Variants in RIMS1 observed in about 807,000 individuals in gnomAD.
The protein encoded by RIMS1 is regulating synaptic membrane exocytosis 1.
Under a neutral mutation model 214.1 loss-of-function variants are expected in RIMS1, and 83 were observed. That is an observed-to-expected ratio of 0.39 (90% confidence interval 0.32 to 0.47). The LOEUF is 0.47. Among genes scored for constraint, RIMS1 ranks in the 20% least tolerant of loss-of-function variants. The pLI is 0.99. For synonymous variants in RIMS1, 793 were observed against 786.8 expected, an observed-to-expected ratio of 1.01 and a Z score of -0.13; for missense variants, 2,050 against 2,161.8, an observed-to-expected ratio of 0.95 and a Z score of 1.03.
chr6:72,009,314 C>T lies in RIMS1; in HGVS notation c.245+40251C>T, dbSNP rs573062822. On this transcript the variant is annotated intron_variant, in intron 2 of 33. Transcript: ENST00000521978. Reference sequence around the variant, plus strand: ...ACAACATACCAGAATCTCTGGGACACATTTAAAGCAGTGTGTAGAGGGAAA... The same window carrying T: ...ACAACATACCAGAATCTCTGGGACATATTTAAAGCAGTGTGTAGAGGGAAA... Among the ~76,000 whole-genome samples the T allele has an allele frequency of 6.9e-3, 1,047 of 152,284 alleles. 10 individuals are homozygous for T. Among genetic ancestry groups the T allele is most frequent in the African/African-American group, 0.024 (988 of 41,558 alleles).
chr6:72,153,053 T>C lies in RIMS1; in HGVS notation c.472-26522T>C, dbSNP rs574037026. 2.6e-4 allele frequency among the ~76,000 whole-genome samples: 37 copies of C among 142,414 alleles called. 1 individual carries two copies. The highest frequency in any genetic ancestry group is 8.7e-4 in the African/African-American group (34 of 39,256). 93.4% of individuals were successfully genotyped at this position (142,414 alleles called of 152,430 possible). A position where few individuals can be genotyped will look rare whatever the true frequency, so the allele number is the denominator to read the frequency against. ...ATATATGTGTGTGTGTGTATATATA[T>C]GTATATATTCCCTATGTATATATAT... On this transcript the variant is annotated intron_variant, in intron 4 of 33. Coordinates refer to ENST00000521978, the MANE Select transcript of RIMS1 (RefSeq NM_014989.7).
intron 2 of RIMS1, among the ~76,000 whole-genome samples, chr6:71,978,425 A>AT (rs1005605479): frequency 5.3e-5 from 8 of 151,980 alleles, no homozygotes; most frequent in Middle Eastern, 3.4e-3. Flanking sequence ...TTTTATTGTG[A>AT]TTTTTTTTAC....
chr6:71,975,805 A>G (rs1796980053), intron 2 of RIMS1, among the ~76,000 whole-genome samples: 1 of 152,112 alleles, frequency 6.6e-6, no homozygotes, highest in Non-Finnish European at 1.5e-5. Flanking sequence ...AACATTTCCT[A>G]TAAATGGAAT....
Position 72,070,226 on chromosome 6 carries a change from A to G in RIMS1, c.246-26723A>G, listed in dbSNP as rs9442731. On this transcript the variant is annotated intron_variant, in intron 2 of 33. Coordinates refer to ENST00000521978, the MANE Select transcript of RIMS1 (RefSeq NM_014989.7). ...CTTGGATCATTTAATAAAAGAGGTCATTTGAAATGTGTCGTTTAAAAATAT... is the reference window on the plus strand; with the variant it reads ...CTTGGATCATTTAATAAAAGAGGTCGTTTGAAATGTGTCGTTTAAAAATAT... 9.7e-3 allele frequency among the ~76,000 whole-genome samples: 1,470 copies of G among 152,324 alleles called. 25 individuals are homozygous for G. Among genetic ancestry groups the G allele is most frequent in the African/African-American group, 0.034 (1,399 of 41,568 alleles).
At chr6:71,992,413 T>TCTTA (rs747141942) in intron 2 of RIMS1, among the ~76,000 whole-genome samples, 1 of 67,418 alleles carries the variant, frequency 1.5e-5, no homozygotes, top group East Asian at 1.6e-3. Flanking sequence ...TCTCTTTCTT[T>TCTTA]CTTTCTTTCT....
chr6:71,905,889 A>G (rs1222360167), intron 1 of RIMS1, among the ~76,000 whole-genome samples: 1 of 152,134 alleles, frequency 6.6e-6, no homozygotes, highest in African/African-American at 2.4e-5. Flanking sequence ...GCAAAAAGAA[A>G]TATCTGATAA....
intron 6 of RIMS1, among the ~76,000 whole-genome samples, chr6:72,228,516 A>C (rs2060963397): frequency 1.3e-5 from 2 of 151,804 alleles, no homozygotes. Flanking sequence ...CTTCTTTTTC[A>C]AGGCTTAGTA....
chr6:71,907,412 C>T (rs1167231401), intron 1 of RIMS1, among the ~76,000 whole-genome samples: 1 of 152,096 alleles, frequency 6.6e-6, no homozygotes, highest in Non-Finnish European at 1.5e-5. Context: ...CACCCTTAAT[C>T]AATGGCATTC....
At chr6:72,313,779 T>G in intron 28 of RIMS1, 107 bp downstream of exon 28, 5 of 1,123,394 alleles carry the variant, frequency 4.5e-6, no homozygotes, top group Non-Finnish European at 6.2e-6. Flanking sequence ...TCACAGTGGG[T>G]TAAGTATTTA....
intron 2 of RIMS1, among the ~76,000 whole-genome samples, chr6:72,054,038 A>G (rs530218431): frequency 3.9e-5 from 6 of 152,076 alleles, no homozygotes; most frequent in African/African-American, 1.4e-4. Context: ...TAAGCCCTGC[A>G]TGCATTAGCT....
intron 4 of RIMS1, among the ~76,000 whole-genome samples, chr6:72,113,914 G>T: frequency 6.6e-6 from 1 of 151,914 alleles, no homozygotes; most frequent in East Asian, 1.9e-4. Context: ...TTCACTCCTT[G>T]CCCTAAAATA....
chr6:72,073,398 G>A (rs1831037853), intron 2 of RIMS1, among the ~76,000 whole-genome samples: 1 of 152,096 alleles, frequency 6.6e-6, no homozygotes, highest in African/African-American at 2.4e-5. Flanking sequence ...CTCATTGCTA[G>A]CAGAATAAAG....
chr6:72,385,543 T>C (rs2098580634), intron 29 of RIMS1, among the ~76,000 whole-genome samples: 1 of 152,244 alleles, frequency 6.6e-6, no homozygotes, highest in Non-Finnish European at 1.5e-5. Flanking sequence ...AATGGAATGA[T>C]TGCAAGACTA....
At chr6:72,007,428 C>T (rs957726320) in intron 2 of RIMS1, among the ~76,000 whole-genome samples, 2 of 152,200 alleles carry the variant, frequency 1.3e-5, no homozygotes, top group African/African-American at 4.8e-5. Context: ...TCTCCTCCTC[C>T]AAAGGAATGC....
chr6:72,073,580 G>A (rs961159397), intron 2 of RIMS1, among the ~76,000 whole-genome samples: 7 of 152,282 alleles, frequency 4.6e-5, no homozygotes, highest in East Asian at 1.9e-4. Context: ...AACACTGAGC[G>A]TCTGATTGCT....
chr6:71,948,565 C>T (rs2151097031), intron 1 of RIMS1, among the ~76,000 whole-genome samples: 1 of 152,294 alleles, frequency 6.6e-6, no homozygotes. Flanking sequence ...AATTTCTCCT[C>T]TGTAAATTAG....
intron 26 of RIMS1, among the ~76,000 whole-genome samples, chr6:72,297,451 T>C (rs2094204445): frequency 6.6e-6 from 1 of 152,016 alleles, no homozygotes; most frequent in South Asian, 2.1e-4. Context: ...TTTCCATATA[T>C]ATTACTAGGC....
At chr6:72,046,443 C>T (rs998805339) in intron 2 of RIMS1, among the ~76,000 whole-genome samples, 1 of 152,048 alleles carries the variant, frequency 6.6e-6, no homozygotes, top group South Asian at 2.1e-4. Flanking sequence ...CAGGGGTCCA[C>T]ATCCAAACAC....
Position 72,258,922 on chromosome 6 carries a change from G to T in RIMS1, c.2928-64G>T, listed in dbSNP as rs533176822. ...TATTACTCTCAGTTCCTTCACTTTA[G>T]TCTGTCTGCCTGTTTTGGGAAGATG... is the stretch of plus-strand genomic sequence containing the variant. On this transcript the variant is annotated intron_variant, in intron 17 of 33. Coordinates refer to ENST00000521978, the MANE Select transcript of RIMS1 (RefSeq NM_014989.7). 218 of 1,503,092 alleles carry T rather than the reference G, an allele frequency of 1.5e-4. No homozygotes were observed. The African/African-American group carries it at 2.6e-3, about 18-fold the overall frequency. The allele number at this position is 1,503,092 out of a possible 1,614,324, so 93.1% of individuals were successfully genotyped here. A position where few individuals can be genotyped will look rare whatever the true frequency, so the allele number is the denominator to read the frequency against.
Sources: allele counts gnomAD v4.1 joint callset (sites outside exome capture counted in the v4.1 genomes callset), GRCh38; gene constraint gnomAD v4.1.1; transcripts MANE v1.5; gene names NCBI Gene and HGNC (gene_info 2026-07-23, HGNC 2026-07-21).